SPTBN1: variants seen among roughly 807,000 people sequenced by gnomAD.
SPTBN1 encodes spectrin beta, non-erythrocytic 1.
Under a neutral mutation model 266.4 loss-of-function variants are expected in SPTBN1, and 32 were observed. The ratio of observed to expected loss-of-function variants is 0.12; its 90% CI spans 0.09 to 0.16. The LOEUF is 0.16. SPTBN1 is among the 10% of genes least tolerant of loss of function. The pLI is 1.00. For missense variants in SPTBN1, 2,296 were observed against 3,067.1 expected, an observed-to-expected ratio of 0.75 and a Z score of 5.94; for synonymous variants, 1,336 against 1,162.2, an observed-to-expected ratio of 1.15 and a Z score of -3.04.
At chr2:54,476,290 A>G (rs1048196801) in intron 1 of SPTBN1, among the ~76,000 whole-genome samples, 1 of 152,178 alleles carries the variant, frequency 6.6e-6, no homozygotes, top group Non-Finnish European at 1.5e-5. Flanking sequence ...GGTAAGAGTA[A>G]TCCTCCCATG....
At chr2:54,657,193 T>A (rs1680725934) in intron 29 of SPTBN1, among the ~76,000 whole-genome samples, 1 of 152,236 alleles carries the variant, frequency 6.6e-6, no homozygotes, top group Admixed American at 6.5e-5. Context: ...AAGAACAGAA[T>A]GAAACAGAGC....
intron 1 of SPTBN1, among the ~76,000 whole-genome samples, chr2:54,522,220 G>T (rs1212716361): frequency 6.6e-6 from 1 of 152,118 alleles, no homozygotes; most frequent in East Asian, 1.9e-4. Flanking sequence ...CCGTTTTAAG[G>T]AACAATAGTA....
At chr2:54,637,618 T>C (rs1679240738) in intron 17 of SPTBN1, 95 bp from the exon 18 acceptor site, 2 of 980,482 alleles carry the variant, frequency 2.0e-6, no homozygotes, top group Non-Finnish European at 3.1e-6. Flanking sequence ...CTTTTTAGCA[T>C]AGTTAGGAAT....
At position 54,646,584 on chromosome 2, in the gene SPTBN1, T is replaced by C. The variant is rs1189903144; in HGVS notation, c.4866+109T>C. 5 of 1,306,590 alleles carry C rather than the reference T, an allele frequency of 3.8e-6. No individual in the cohort carries two copies. In the African/African-American group the frequency reaches 7.5e-5, roughly 19 times the overall value. The allele number at this position is 1,306,590 out of a possible 1,614,324, so 80.9% of individuals were successfully genotyped here. A position where few individuals can be genotyped will look rare whatever the true frequency, so the allele number is the denominator to read the frequency against. ...GTATAAAAACTTCCCTTGTAGCCTT[T>C]GAGTGTTAAGGGGACACCATGTGCA... On this transcript the variant is annotated intron_variant, in intron 23 of 35. Coordinates refer to ENST00000356805, the MANE Select transcript of SPTBN1 (RefSeq NM_003128.3). The surrounding 1 kb of genome is among the most constrained non-coding windows in gnomAD (Gnocchi z 4.4).
chr2:54,562,169 C>T (rs937043643), intron 2 of SPTBN1, among the ~76,000 whole-genome samples: 1 of 152,212 alleles, frequency 6.6e-6, no homozygotes, highest in Non-Finnish European at 1.5e-5. Context: ...ACCCAACCTC[C>T]CATATTTAGA....
At chr2:54,525,205 T>C (rs1271365821) in intron 1 of SPTBN1, among the ~76,000 whole-genome samples, 1 of 152,216 alleles carries the variant, frequency 6.6e-6, no homozygotes. Flanking sequence ...ATTGAGCATC[T>C]ACCATGCACT....
intron 35 of SPTBN1, 135 bp downstream of exon 35, chr2:54,667,781 G>A: frequency 1.3e-6 from 1 of 753,612 alleles, no homozygotes; most frequent in Non-Finnish European, 2.3e-6. Flanking sequence ...CCAGTCACCA[G>A]CACTAGAAGG....
chr2:54,622,289 C>G lies in SPTBN1; in HGVS notation c.877-11C>G, dbSNP rs766538583. ...CATGATCTTTTCAATTTTTCTATCC[C>G]TTGTTGCCAGGTGCTTGACAATGCT... is the stretch of plus-strand genomic sequence containing the variant. On this transcript the variant is annotated splice_polypyrimidine_tract_variant and intron_variant, in intron 8 of 35. Transcript: ENST00000356805. The G allele has an allele frequency of 6.2e-7, 1 of 1,612,810 alleles. No individual in the cohort carries two copies. The highest frequency in any genetic ancestry group is 1.1e-5 in the South Asian group (1 of 90,890).
Position 54,632,713 on chromosome 2 carries a change from G to A in SPTBN1, c.3712G>A (p.Asp1238Asn), listed in dbSNP as rs753745173. The A allele has an allele frequency of 1.3e-5, 21 of 1,614,074 alleles. No individual in the cohort carries two copies. The highest frequency in any genetic ancestry group is 1.1e-4 in the South Asian group (10 of 91,088). ...GGAGACTGGCCGGAGGCTGGTGAGCGATGGGAACATCAACTCAGATCGCAT... is the reference window on the plus strand; with the variant it reads ...GGAGACTGGCCGGAGGCTGGTGAGCAATGGGAACATCAACTCAGATCGCAT... Reference protein sequence around the residue: ...VVETGRRLVSDGNINSDRIQE... With the variant: ...VVETGRRLVSNGNINSDRIQE... Residue 1238 changes from aspartate (D) to asparagine (N), a missense_variant, in exon 17 of 36, where the codon GAT (aspartate) becomes AAT (asparagine). Transcript: ENST00000356805.
At chr2:54,486,303 G>A (rs926186617) in intron 1 of SPTBN1, among the ~76,000 whole-genome samples, 20 of 152,196 alleles carry the variant, frequency 1.3e-4, no homozygotes, top group African/African-American at 4.3e-4. Context: ...GGAAAAGACT[G>A]AGAAATCGGA....
At chr2:54,463,322 A>C (rs571995282) in intron 1 of SPTBN1, among the ~76,000 whole-genome samples, 66 of 152,374 alleles carry the variant, frequency 4.3e-4, no homozygotes, top group African/African-American at 1.4e-3. Context: ...ACAAATAGAC[A>C]AGTCAAGTGC....
At chr2:54,601,636 A>G (rs1433038642) in intron 3 of SPTBN1, among the ~76,000 whole-genome samples, 4 of 152,204 alleles carry the variant, frequency 2.6e-5, no homozygotes, top group Non-Finnish European at 5.9e-5. Flanking sequence ...CCTGGGTAAC[A>G]TAAATGTTTG....
In SPTBN1 at chr2:54,646,227, C is replaced by T. The variant is rs1388827527; in HGVS notation, c.4618C>T (p.Arg1540Cys). Residue 1540 changes from arginine to cysteine, a missense_variant, in exon 23 of 36, where the codon CGC (arginine) becomes TGC (cysteine). Physicochemically the swap from Arg to Cys is radical, Grantham distance 180 (BLOSUM62 -3). This residue lies in a region of SPTBN1 where 644 missense variants were observed against 745.3 expected (regional missense o/e 0.86). Coordinates refer to ENST00000356805, the MANE Select transcript of SPTBN1 (RefSeq NM_003128.3). This position sits in a 1 kb window ranked among gnomAD's most constrained non-coding sequence, Gnocchi z 4.4. ...LQKEIQGHQPRIDDIFERSQN... is the reference protein window; with the variant it reads ...LQKEIQGHQPCIDDIFERSQN... ...GAAAGAAATCCAGGGGCACCAGCCTCGCATTGACGACATCTTTGAGAGGAG... is the reference window on the plus strand; with the variant it reads ...GAAAGAAATCCAGGGGCACCAGCCTTGCATTGACGACATCTTTGAGAGGAG... The T allele has an allele frequency of 1.2e-6, 2 of 1,613,090 alleles. No homozygotes were observed. Among genetic ancestry groups the T allele is most frequent in the Non-Finnish European group, 8.5e-7 (1 of 1,179,412 alleles).
chr2:54,468,328 TAAAAA>T (rs1693744159), intron 1 of SPTBN1, among the ~76,000 whole-genome samples: 1 of 148,842 alleles, frequency 6.7e-6, no homozygotes, highest in Non-Finnish European at 1.5e-5. Context: ...AATAAAAAAA[TAAAAA>T]ATAAAAAAAT....
intron 19 of SPTBN1, 105 bp downstream of exon 19, chr2:54,643,234 A>T: frequency 6.7e-7 from 1 of 1,486,742 alleles, no homozygotes; most frequent in East Asian, 2.4e-5. Flanking sequence ...TTATCTGTAC[A>T]TTTACGTAAG....
In SPTBN1 at chr2:54,618,159, G is replaced by T; in HGVS notation, c.729G>T (p.Gln243His). 1 of 1,614,190 alleles carries T rather than the reference G, an allele frequency of 6.2e-7. No individual in the cohort carries two copies. Among genetic ancestry groups the T allele is most frequent in the Non-Finnish European group, 8.5e-7 (1 of 1,180,030 alleles). Residue 243 changes from glutamine to histidine, a missense_variant, in exon 7 of 36, where the codon CAG becomes CAT. Gln to His is a conservative substitution (Grantham distance 24, BLOSUM62 0). Transcript: ENST00000356805. ...NLQNAFNLAE[Q>H]HLGLTKLLDP... ...AGAATGCATTTAATCTGGCAGAACA[G>T]CACCTCGGCCTCACTAAACTGTTGG...
chr2:54,613,291 G>T (rs1677355572), intron 4 of SPTBN1, among the ~76,000 whole-genome samples: 1 of 126,844 alleles, frequency 7.9e-6, no homozygotes, highest in African/African-American at 3.3e-5. Flanking sequence ...TTCCTGTTCT[G>T]CCCCTTTAAT....
In SPTBN1 at chr2:54,649,091, C is replaced by T. The variant is rs766403758; in HGVS notation, c.5103C>T (p.Phe1701=). The T allele has an allele frequency of 3.1e-6, 5 of 1,614,112 alleles. No individual in the cohort carries two copies. Among genetic ancestry groups the T allele is most frequent in the Non-Finnish European group, 4.2e-6 (5 of 1,179,980 alleles). ...RGKLDERHRL[F]QLNREVDDLE... ...AGCTGGATGAGAGACACAGGTTATT[C>T]CAGCTCAACCGGGAGGTGGACGACC... Residue 1701 remains phenylalanine (F), a synonymous_variant, in exon 25 of 36, where the codon TTC becomes TTT. Transcript: ENST00000356805. This position sits in a 1 kb window ranked among gnomAD's most constrained non-coding sequence, Gnocchi z 6.7.
intron 2 of SPTBN1, among the ~76,000 whole-genome samples, chr2:54,544,304 A>G (rs4671225): frequency 0.8 from 121,807 of 152,110 alleles, 49,344 homozygotes; most frequent in African/African-American, 0.93. Context: ...CTTCCTTCAC[A>G]TAAGTATTTG....
Sources: allele counts gnomAD v4.1 joint callset (sites outside exome capture counted in the v4.1 genomes callset), GRCh38; gene constraint gnomAD v4.1.1; regional missense constraint gnomAD v4.1.1; non-coding constraint Gnocchi (gnomAD v3.1); transcripts MANE v1.5; gene names NCBI Gene and HGNC (gene_info 2026-07-23, HGNC 2026-07-21).